TAF1B: variants seen among roughly 807,000 people sequenced by gnomAD.
TAF1B encodes the protein TATA box-binding protein-associated factor RNA polymerase I subunit B.
A neutral mutation model predicts 83.9 loss-of-function variants in TAF1B; 61 were observed. That is an observed-to-expected ratio of 0.73 (90% CI 0.59 to 0.90). The LOEUF is 0.90. Ranked by LOEUF, TAF1B falls within the 40% of genes least tolerant of loss-of-function variation. The pLI is 0.00. For missense variants in TAF1B, 625 were observed against 677.0 expected, an observed-to-expected ratio of 0.92 and a Z score of 0.85; for synonymous variants, 221 against 224.6, an observed-to-expected ratio of 0.98 and a Z score of 0.14.
chr2:9,924,323 G>C (rs961534795), intron 14 of TAF1B, among the ~76,000 whole-genome samples: 1 of 152,160 alleles, frequency 6.6e-6, no homozygotes, highest in Non-Finnish European at 1.5e-5. Flanking sequence ...CCCTTAGGCT[G>C]AGTTGTCTGA....
At chr2:9,883,365 C>G (rs924723407) in intron 8 of TAF1B, among the ~76,000 whole-genome samples, 1 of 152,076 alleles carries the variant, frequency 6.6e-6, no homozygotes, top group Non-Finnish European at 1.5e-5. Flanking sequence ...TTTTGATGTA[C>G]TAAATGTTAA....
At chr2:9,874,440 G>A (rs1382925246) in intron 6 of TAF1B, among the ~76,000 whole-genome samples, 1 of 151,726 alleles carries the variant, frequency 6.6e-6, no homozygotes, top group African/African-American at 2.4e-5. Flanking sequence ...TCTGTCAAAT[G>A]TAATTTTTTT....
At chr2:9,890,584 T>C in intron 8 of TAF1B, among the ~76,000 whole-genome samples, 1 of 152,308 alleles carries the variant, frequency 6.6e-6, no homozygotes, top group East Asian at 1.9e-4. Context: ...TAATCCCTTT[T>C]GTTGATCTAT....
intron 7 of TAF1B, among the ~76,000 whole-genome samples, chr2:9,877,711 A>G (rs2125152156): frequency 1.3e-5 from 2 of 152,294 alleles, no homozygotes; most frequent in Middle Eastern, 6.8e-3. Flanking sequence ...AGGGGCTAAC[A>G]GAACTCTCCT....
intron 6 of TAF1B, among the ~76,000 whole-genome samples, chr2:9,869,470 G>A (rs887059018): frequency 2.0e-5 from 3 of 151,778 alleles, no homozygotes; most frequent in East Asian, 3.9e-4. Flanking sequence ...TGATCTGCCT[G>A]CTTCAGCCTC....
At chr2:9,892,158 A>G (rs777431695) in intron 8 of TAF1B, among the ~76,000 whole-genome samples, 1 of 152,092 alleles carries the variant, frequency 6.6e-6, no homozygotes, top group Non-Finnish European at 1.5e-5. Context: ...GTGTAGATAC[A>G]TAAATACTTG....
In TAF1B at chr2:9,895,838, A is replaced by G. The variant is rs1035624902; in HGVS notation, c.808-9021A>G. On this transcript the variant is annotated intron_variant, in intron 8 of 14. Transcript: ENST00000263663. Reference sequence around the variant, plus strand: ...CTTTTTTTTTTTTTTTTTTTTTTTAAATAGCTGAGCAGGAAGTTTGCCTCT... The same window carrying G: ...CTTTTTTTTTTTTTTTTTTTTTTTAGATAGCTGAGCAGGAAGTTTGCCTCT... 2.6e-4 allele frequency among the ~76,000 whole-genome samples: 26 copies of G among 98,228 alleles called. 1 individual carries two copies. The highest frequency in any genetic ancestry group is 5.6e-4 in the Admixed American group (5 of 8,972). The allele number at this position is 98,228 out of a possible 152,430, so 64.4% of individuals were successfully genotyped here.
intron 4 of TAF1B, among the ~76,000 whole-genome samples, chr2:9,852,673 G>T (rs1476480356): frequency 1.3e-5 from 2 of 152,100 alleles, no homozygotes; most frequent in African/African-American, 2.4e-5. Context: ...TTCTATTTTA[G>T]TATAGATGGG....
chr2:9,912,548 C>G (rs887056992), intron 11 of TAF1B, among the ~76,000 whole-genome samples: 2 of 152,190 alleles, frequency 1.3e-5, no homozygotes, highest in African/African-American at 4.8e-5. Flanking sequence ...CTAACATCCC[C>G]TCTAATGCTA....
At position 9,919,607 on chromosome 2, in the gene TAF1B, T is replaced by C. The variant is rs1259847411; in HGVS notation, c.1352T>C (p.Val451Ala). The change falls in exon 14 of 15, where the codon GTG (valine) becomes GCG (alanine). Residue 451 changes from valine to alanine, a missense_variant. Physicochemically the swap from Val to Ala is moderately conservative, Grantham distance 64. Coordinates refer to ENST00000263663, the MANE Select transcript of TAF1B (RefSeq NM_005680.3). ...PVAYKKREMV[V>A]NLQKQFSTLV... is the part of the protein sequence containing the mutation. ...TTTTCTCCGGTTCCAGAAATGGTGG[T>C]GAATCTACAGAAACAATTTAGCACA... 6.2e-7 allele frequency: 1 copy of C among 1,613,770 alleles called. No individual in the cohort carries two copies. Among genetic ancestry groups the C allele is most frequent in the East Asian group, 2.2e-5 (1 of 44,884 alleles).
At chr2:9,888,321 T>C (rs77966148) in intron 8 of TAF1B, among the ~76,000 whole-genome samples, 1 of 152,026 alleles carries the variant, frequency 6.6e-6, no homozygotes, top group South Asian at 2.1e-4. Context: ...ATTTTTTTTT[T>C]CTGTAAGCAA....
intron 9 of TAF1B, among the ~76,000 whole-genome samples, chr2:9,909,440 G>T (rs559349302): frequency 6.6e-6 from 1 of 152,362 alleles, no homozygotes; most frequent in East Asian, 1.9e-4. Flanking sequence ...GATGAGGAAT[G>T]GGGGAAAGAA....
At chr2:9,864,751 G>C (rs575658266) in intron 5 of TAF1B, among the ~76,000 whole-genome samples, 2 of 152,112 alleles carry the variant, frequency 1.3e-5, no homozygotes, top group East Asian at 3.9e-4. Context: ...ATGATCAAGT[G>C]GGCTTCATCC....
At chr2:9,860,589 G>C (rs1276102994) in intron 5 of TAF1B, among the ~76,000 whole-genome samples, 1 of 152,174 alleles carries the variant, frequency 6.6e-6, no homozygotes, top group African/African-American at 2.4e-5. Flanking sequence ...CAATAACTTA[G>C]CCCTAGGTCA....
At chr2:9,867,247 T>C (rs904246844) in intron 5 of TAF1B, among the ~76,000 whole-genome samples, 2 of 152,132 alleles carry the variant, frequency 1.3e-5, no homozygotes, top group Admixed American at 6.5e-5. Context: ...AGTGCACAAA[T>C]AGAGAAACTG....
intron 8 of TAF1B, among the ~76,000 whole-genome samples, chr2:9,891,411 A>G (rs1165933083): frequency 6.6e-6 from 1 of 152,098 alleles, no homozygotes; most frequent in African/African-American, 2.4e-5. Flanking sequence ...GGTATGCTTA[A>G]TTTTTTTAAC....
At chr2:9,900,145 A>G (rs527291913) in intron 8 of TAF1B, among the ~76,000 whole-genome samples, 33 of 152,362 alleles carry the variant, frequency 2.2e-4, no homozygotes, top group African/African-American at 6.0e-4. Flanking sequence ...CAGTTTGTAC[A>G]AAAGCTCTCA....
In TAF1B at chr2:9,933,913, A is replaced by G; in HGVS notation, c.1696A>G (p.Lys566Glu). The G allele has an allele frequency of 6.2e-7, 1 of 1,613,748 alleles. No homozygotes were observed. The highest frequency in any genetic ancestry group is 8.5e-7 in the Non-Finnish European group (1 of 1,179,828). Reference sequence around the variant, plus strand: ...CCATGAAGAAGTGAGCTTAGTTGAGAAGAAACTTTTTGAGAAAAAATACAG... The same window carrying G: ...CCATGAAGAAGTGAGCTTAGTTGAGGAGAAACTTTTTGAGAAAAAATACAG... ...LLHEEVSLVE[K>E]KLFEKKYSVK... Residue 566 changes from lysine to glutamate, a missense_variant, in exon 15 of 15, where the codon AAG becomes GAG. Coordinates refer to ENST00000263663, the MANE Select transcript of TAF1B (RefSeq NM_005680.3).
At chr2:9,913,650 A>G (rs932083120) in intron 12 of TAF1B, 10 of 154,484 alleles carry the variant, frequency 6.5e-5, no homozygotes, top group Middle Eastern at 3.1e-3. Flanking sequence ...ACCTTGCAAC[A>G]TATGTAATTG....
Sources: allele counts gnomAD v4.1 joint callset (sites outside exome capture counted in the v4.1 genomes callset), GRCh38; gene constraint gnomAD v4.1.1; transcripts MANE v1.5; gene names NCBI Gene and HGNC (gene_info 2026-07-23, HGNC 2026-07-21).